Variants in GALNT5 observed in about 807,000 individuals in gnomAD.
GALNT5 encodes UDP-GalNAc:polypeptide N-acetylgalactosaminyltransferase 5.
A neutral mutation model predicts 85.4 loss-of-function variants in GALNT5; 72 were observed. The observed-to-expected ratio is 0.84, with a 90% CI of 0.70 to 1.03. The LOEUF (loss-of-function observed/expected upper bound fraction) is 1.03. Among genes scored for constraint, GALNT5 ranks in the 50% least tolerant of loss-of-function variants. GALNT5 has a pLI of 0.00. For missense variants in GALNT5, 1,137 were observed against 1,135.5 expected, an observed-to-expected ratio of 1.00 and a Z score of -0.02; for synonymous variants, 404 against 397.0, an observed-to-expected ratio of 1.02 and a Z score of -0.21.
intron 2 of GALNT5, among the ~76,000 whole-genome samples, chr2:157,285,707 C>CA (rs556005706): frequency 6.6e-6 from 1 of 152,142 alleles, no homozygotes; most frequent in Non-Finnish European, 1.5e-5. Flanking sequence ...GCCTGAGCTA[C>CA]ATATATTTTA....
At chr2:157,295,552 A>C in intron 3 of GALNT5, 111 bp from the exon 4 acceptor site, 1 of 744,320 alleles carries the variant, frequency 1.3e-6, no homozygotes, top group Admixed American at 2.7e-5. Flanking sequence ...AAAAAAGGTC[A>C]CTGCATTTAT....
In GALNT5 at chr2:157,259,468, A is replaced by G; in HGVS notation, c.1386A>G (p.Gly462=). 6.8e-7 allele frequency: 1 copy of G among 1,465,020 alleles called. No homozygotes were observed. Among genetic ancestry groups the G allele is most frequent in the South Asian group, 1.7e-5 (1 of 59,668 alleles). The allele number at this position is 1,465,020 out of a possible 1,614,324, so 90.8% of individuals were successfully genotyped here. Residue 462 remains glycine (G), a synonymous_variant, in exon 1 of 10, where the codon GGA becomes GGG. Coordinates refer to ENST00000259056, the MANE Select transcript of GALNT5 (RefSeq NM_014568.3). ...AGGCAGAAAGAAGATGGAAAGAAGGAAACTTCAATGTCTACCTTAGCGATT... is the reference window on the plus strand; with the variant it reads ...AGGCAGAAAGAAGATGGAAAGAAGGGAACTTCAATGTCTACCTTAGCGATT... ...EKEAERRWKE[G]NFNVYLSDLI... is the part of the protein sequence containing the mutation.
rs1056298812 is a variant in GALNT5, at chr2:157,312,585, T to C, written c.*1237T>C. On this transcript the variant is annotated 3_prime_UTR_variant, in exon 10 of 10. Transcript: ENST00000259056. ...AAGCCTCTAATCTTAAGCATACCAA[T>C]ACTTTGGCATACCAGAAGACACCTT... 5 of 152,136 alleles carry C rather than the reference T, an allele frequency of 3.3e-5. No homozygotes were observed. The highest frequency in any genetic ancestry group is 3.3e-4 in the Admixed American group (5 of 15,258). 9.4% of individuals were successfully genotyped at this position (152,136 alleles called of 1,614,324 possible).
intron 1 of GALNT5, among the ~76,000 whole-genome samples, chr2:157,280,612 G>A (rs1306612119): frequency 6.6e-6 from 1 of 152,184 alleles, no homozygotes; most frequent in Non-Finnish European, 1.5e-5. Flanking sequence ...AAGGAGTGAG[G>A]TGCTGCTATA....
intron 1 of GALNT5, among the ~76,000 whole-genome samples, chr2:157,261,569 G>A (rs991224984): frequency 5.9e-5 from 9 of 152,196 alleles, no homozygotes; most frequent in African/African-American, 1.9e-4. Flanking sequence ...TGTGTCTCAA[G>A]CTGCCTGGCG....
At chr2:157,278,892 G>A (rs1349652405) in intron 1 of GALNT5, among the ~76,000 whole-genome samples, 2 of 152,148 alleles carry the variant, frequency 1.3e-5, no homozygotes, top group African/African-American at 4.8e-5. Context: ...GAGGAGAAGA[G>A]GTGCTCTGGT....
At position 157,311,131 on chromosome 2, in the gene GALNT5, T is replaced by C. The variant is rs184243174; in HGVS notation, c.2683-77T>C. On this transcript the variant is annotated intron_variant, in intron 9 of 9. Transcript: ENST00000259056. ...AAATATAACTGCCTGTCCATTTTTT[T>C]AATTGATTTTCATTTCTTCATATTG... The C allele has an allele frequency of 6.8e-4, 774 of 1,141,032 alleles. 4 individuals are homozygous for C. Among genetic ancestry groups the C allele is most frequent in the East Asian group, 8.8e-4 (37 of 41,866 alleles). The allele number at this position is 1,141,032 out of a possible 1,614,324, so 70.7% of individuals were successfully genotyped here.
chr2:157,273,630 CTTTTTTTTTTT>C (rs35430045), intron 1 of GALNT5, among the ~76,000 whole-genome samples: 1 of 23,750 alleles, frequency 4.2e-5, no homozygotes, highest in Non-Finnish European at 7.1e-5. Flanking sequence ...ATATTTCTTG[CTTTTTTTTTTT>C]TTTTTTTTTT....
At chr2:157,272,581 A>C (rs902192375) in intron 1 of GALNT5, among the ~76,000 whole-genome samples, 2 of 152,146 alleles carry the variant, frequency 1.3e-5, no homozygotes, top group Non-Finnish European at 2.9e-5. Context: ...CTTTATGTCT[A>C]TGAGTACCCA....
chr2:157,286,649 A>G (rs1033090302), intron 3 of GALNT5, among the ~76,000 whole-genome samples: 1 of 151,752 alleles, frequency 6.6e-6, no homozygotes, highest in Non-Finnish European at 1.5e-5. Flanking sequence ...GATTACAGGC[A>G]CCCACCACCA....
At chr2:157,301,787 G>A (rs1209766105) in intron 7 of GALNT5, 3 of 152,270 alleles carry the variant, frequency 2.0e-5, no homozygotes, top group African/African-American at 7.2e-5. Flanking sequence ...GGTTTGTAAA[G>A]ATTTCAAAGA....
At chr2:157,278,894 TGCTCTGGTTTTTAGGATTTTCA>T (rs1226353500) in intron 1 of GALNT5, among the ~76,000 whole-genome samples, 3 of 152,090 alleles carry the variant, frequency 2.0e-5, no homozygotes, top group Non-Finnish European at 4.4e-5. Flanking sequence ...GGAGAAGAGG[TGCTCTGGTTTTTAGGATTTTCA>T]GCTTTTCTGC....
intron 1 of GALNT5, among the ~76,000 whole-genome samples, chr2:157,280,732 G>GT (rs1319635351): frequency 6.6e-6 from 1 of 152,198 alleles, no homozygotes; most frequent in Non-Finnish European, 1.5e-5. Flanking sequence ...AATGTTGGAG[G>GT]TGAGACTTGG....
chr2:157,287,420 T>C (rs946010747), intron 3 of GALNT5, among the ~76,000 whole-genome samples: 1 of 151,942 alleles, frequency 6.6e-6, no homozygotes, highest in Non-Finnish European at 1.5e-5. Flanking sequence ...TTCCCCTCAA[T>C]CTCCCTCTCC....
intron 3 of GALNT5, among the ~76,000 whole-genome samples, chr2:157,295,236 A>G (rs1021800125): frequency 1.3e-5 from 2 of 151,974 alleles, no homozygotes; most frequent in Non-Finnish European, 2.9e-5. Context: ...TTTCATCCCT[A>G]TTGTGTGAAG....
At chr2:157,293,623 A>G (rs934772253) in intron 3 of GALNT5, among the ~76,000 whole-genome samples, 1 of 152,220 alleles carries the variant, frequency 6.6e-6, no homozygotes. Context: ...AGAAGACTAC[A>G]TGGAGCGGGT....
chr2:157,258,297 A>G lies in GALNT5; in HGVS notation c.215A>G (p.Lys72Arg). ...GGAAAAATTTTTTACAGCAGCATAAAAGAGATGAAACCTCCCCTAAGGGGA... is the reference window on the plus strand; with the variant it reads ...GGAAAAATTTTTTACAGCAGCATAAGAGAGATGAAACCTCCCCTAAGGGGA... ...DQGKIFYSSI[K>R]EMKPPLRGHG... Residue 72 changes from lysine to arginine, a missense_variant, in exon 1 of 10, where the codon AAA (lysine) becomes AGA (arginine). Physicochemically the swap from Lys to Arg is conservative, Grantham distance 26. Coordinates refer to ENST00000259056, the MANE Select transcript of GALNT5 (RefSeq NM_014568.3). 5.6e-6 allele frequency: 9 copies of G among 1,598,628 alleles called. No individual in the cohort carries two copies. Among genetic ancestry groups the G allele is most frequent in the Non-Finnish European group, 7.7e-6 (9 of 1,174,140 alleles).
At position 157,312,945 on chromosome 2, in the gene GALNT5, C is replaced by G. The variant is rs1683608336; in HGVS notation, c.*1597C>G. On this transcript the variant is annotated 3_prime_UTR_variant, in exon 10 of 10. Coordinates refer to ENST00000259056, the MANE Select transcript of GALNT5 (RefSeq NM_014568.3). ...AAACTAGGTATCTTTCATTCTGACT[C>G]CTAGTTTAACATTTAATTTTGACTC... 6.6e-6 allele frequency: 1 copy of G among 152,010 alleles called. No homozygotes were observed. The highest frequency in any genetic ancestry group is 1.5e-5 in the Non-Finnish European group (1 of 67,980). 9.4% of individuals were successfully genotyped at this position (152,010 alleles called of 1,614,324 possible).
chr2:157,283,231 G>A (rs894129494), intron 1 of GALNT5, among the ~76,000 whole-genome samples: 2 of 152,092 alleles, frequency 1.3e-5, no homozygotes, highest in Non-Finnish European at 2.9e-5. Flanking sequence ...ATTTGAGGTC[G>A]ACATTGAAAT....
Sources: gnomAD v4.1 joint callset for allele counts (sites outside exome capture counted in the v4.1 genomes callset) on GRCh38, gnomAD v4.1.1 for gene constraint, MANE v1.5 for transcripts, NCBI Gene and HGNC (gene_info 2026-07-23, HGNC 2026-07-21) for gene names.